Variants in OPRM1 observed in about 807,000 individuals in gnomAD.
The protein encoded by OPRM1 is opioid receptor mu 1, also known as mu-type opioid receptor.
OPRM1 carries 27 observed loss-of-function variants against 31.8 expected under a neutral mutation model. That is an observed-to-expected ratio of 0.85 (90% CI 0.63 to 1.17). OPRM1 has a LOEUF of 1.17. Among genes scored for constraint, OPRM1 ranks in the 50% most tolerant of loss-of-function variants. The probability of loss-of-function intolerance (pLI) is 0.00; values close to 1 mark genes in which losing one functional copy is unlikely to be tolerated. For synonymous variants in OPRM1, 196 were observed against 189.9 expected (o/e 1.03, Z -0.26); for missense variants, 536 against 511.1 (o/e 1.05, Z -0.47).
intron 3 of OPRM1, among the ~76,000 whole-genome samples, chr6:154,152,522 T>G (rs1798567024): frequency 6.6e-6 from 1 of 151,202 alleles, no homozygotes; most frequent in African/African-American, 2.4e-5. Flanking sequence ...GGCTGCAGAC[T>G]AGGTCAAATC....
At chr6:154,058,938 T>C (rs908597101) in intron 1 of OPRM1, among the ~76,000 whole-genome samples, 1 of 152,172 alleles carries the variant, frequency 6.6e-6, no homozygotes, top group Non-Finnish European at 1.5e-5. Context: ...AACTAGTAAA[T>C]GATGGAAGTC....
chr6:154,056,657 G>C lies in OPRM1; in HGVS notation c.290+16823G>C, dbSNP rs569819913. On this transcript the variant is annotated intron_variant, in intron 1 of 3. Transcript: ENST00000330432. ...CCAAGTACAGAAGCTGTGGGAACAA[G>C]GAGATCAATGGAAGGGAAGGCCTCT... Among the ~76,000 whole-genome samples, 11 of 151,984 alleles carry C rather than the reference G, an allele frequency of 7.2e-5. No homozygotes were observed. In the East Asian group the frequency reaches 1.9e-3, roughly 27 times the overall value.
At chr6:154,079,401 C>T (rs1423316331) in intron 1 of OPRM1, among the ~76,000 whole-genome samples, 2 of 152,120 alleles carry the variant, frequency 1.3e-5, no homozygotes, top group Non-Finnish European at 2.9e-5. Context: ...GGAAGTGAGC[C>T]CTCTAGATTC....
chr6:154,195,781 C>G (rs1776566900), intron 3 of OPRM1, among the ~76,000 whole-genome samples: 1 of 143,660 alleles, frequency 7.0e-6, no homozygotes, highest in Non-Finnish European at 1.5e-5. Flanking sequence ...AGAATTGTAC[C>G]TTGTTCACAA....
chr6:154,152,242 A>G (rs1798521388), intron 3 of OPRM1, among the ~76,000 whole-genome samples: 1 of 146,748 alleles, frequency 6.8e-6, no homozygotes, highest in Admixed American at 6.7e-5. Flanking sequence ...AAGAGAAAAG[A>G]AAAAGAAGAA....
chr6:154,010,722 C>T, exon 1 of OPRM1: 1 of 1,431,246 alleles, frequency 7.0e-7, no homozygotes, highest in Non-Finnish European at 9.1e-7. Context: ...AGTGTGTGGA[C>T]ATGACTTTGC....
chr6:154,082,442 G>A (rs894937164), intron 1 of OPRM1, among the ~76,000 whole-genome samples: 1 of 152,102 alleles, frequency 6.6e-6, no homozygotes, highest in African/African-American at 2.4e-5. Flanking sequence ...TTTACTAGTA[G>A]TCTAAACTTT....
chr6:154,211,806 A>G (rs1211881164), intron 3 of OPRM1, among the ~76,000 whole-genome samples: 4 of 152,212 alleles, frequency 2.6e-5, no homozygotes, highest in African/African-American at 9.6e-5. Flanking sequence ...CTACTTTTGC[A>G]CCAAACTATA....
chr6:154,010,925 T>C, exon 1 of OPRM1: 1 of 1,305,144 alleles, frequency 7.7e-7, no homozygotes, highest in South Asian at 1.2e-5. Context: ...ATCAAAATGT[T>C]TCCTGGAAAC....
At chr6:154,229,548 G>A (rs1048898783) in intron 3 of OPRM1, among the ~76,000 whole-genome samples, 1 of 151,586 alleles carries the variant, frequency 6.6e-6, no homozygotes, top group African/African-American at 2.4e-5. Context: ...TAGTAGAGAT[G>A]GGGTTCGCCG....
intron 3 of OPRM1, among the ~76,000 whole-genome samples, chr6:154,236,868 T>C (rs1216528046): frequency 1.3e-5 from 2 of 152,208 alleles, no homozygotes; most frequent in African/African-American, 4.8e-5. Context: ...AGATTCTACA[T>C]TGTGAGCCCA....
Position 154,039,307 on chromosome 6 carries a change from T to C in OPRM1, c.-238T>C. 1 of 1,550,878 alleles carries C rather than the reference T, an allele frequency of 6.4e-7. No homozygotes were observed. The highest frequency in any genetic ancestry group is 8.7e-7 in the Non-Finnish European group (1 of 1,146,648). On this transcript the variant is annotated 5_prime_UTR_variant, in exon 1 of 4. Coordinates refer to ENST00000330432, the MANE Select transcript of OPRM1 (RefSeq NM_000914.5). ...CCCTCCTGCAGCGGTGCGGGGCAGG[T>C]GATGAGCCTCTGTGAACTACTAAGG...
At chr6:154,188,727 G>A (rs1801600560) in intron 3 of OPRM1, among the ~76,000 whole-genome samples, 1 of 152,226 alleles carries the variant, frequency 6.6e-6, no homozygotes, top group South Asian at 2.1e-4. Context: ...CGATTCATGA[G>A]AAAGATGACA....
At chr6:154,013,759 C>G (rs549897222) in intron 1 of OPRM1, among the ~76,000 whole-genome samples, 2 of 152,144 alleles carry the variant, frequency 1.3e-5, no homozygotes, top group Admixed American at 1.3e-4. Flanking sequence ...GCTAAGGTGA[C>G]TGGAGCAACC....
chr6:154,144,945 C>G (rs1053002935), intron 3 of OPRM1, among the ~76,000 whole-genome samples: 11 of 151,842 alleles, frequency 7.2e-5, no homozygotes, highest in Admixed American at 5.9e-4. Context: ...ATGATGAAAA[C>G]TCTCAGAAAA....
intron 1 of OPRM1, among the ~76,000 whole-genome samples, chr6:154,045,179 C>T (rs1439549117): frequency 1.3e-5 from 2 of 151,868 alleles, no homozygotes; most frequent in African/African-American, 2.4e-5. Flanking sequence ...GAGCCGAGAT[C>T]GCACCACTGC....
At chr6:154,054,262 G>A (rs1451854133) in intron 1 of OPRM1, among the ~76,000 whole-genome samples, 2 of 151,794 alleles carry the variant, frequency 1.3e-5, no homozygotes, top group African/African-American at 4.8e-5. Context: ...CCAGCTACTC[G>A]GGAGGCTGGG....
chr6:154,099,928 TC>T (rs1264715729), intron 3 of OPRM1, among the ~76,000 whole-genome samples: 1 of 143,566 alleles, frequency 7.0e-6, no homozygotes, highest in African/African-American at 2.6e-5. Context: ...ACATGTATTA[TC>T]ATATTATGAT....
In OPRM1 at chr6:154,011,789, G is replaced by T. The variant is rs1414473846; in HGVS notation, c.-1+771G>T. On this transcript the variant is annotated intron_variant, in intron 1 of 5. Coordinates refer to the OPRM1 transcript ENST00000434900. ...CCATTTATTTATTTATTTCACAGAT[G>T]GACAACTAATACAGATGGTACTATT... 2.0e-5 allele frequency among the ~76,000 whole-genome samples: 3 copies of T among 151,898 alleles called. No homozygotes were observed. The East Asian group carries it at 5.8e-4, about 29-fold the overall frequency.
Sources: gnomAD v4.1 joint callset for allele counts (sites outside exome capture counted in the v4.1 genomes callset) on GRCh38, gnomAD v4.1.1 for gene constraint, MANE v1.5 for transcripts, NCBI Gene and HGNC (gene_info 2026-07-23, HGNC 2026-07-21) for gene names.